The following ANKDD1B variants were observed in gnomAD, a reference collection of about 807,000 sequenced individuals.
The protein encoded by ANKDD1B is ankyrin repeat and death domain-containing protein 1B.
In ANKDD1B, 57 loss-of-function variants were observed where a neutral mutation model predicts 59.7. That is an observed-to-expected ratio of 0.95 (90% CI 0.77 to 1.19). ANKDD1B has a LOEUF of 1.19. Among genes scored for constraint, ANKDD1B ranks in the 50% most tolerant of loss-of-function variants. ANKDD1B has a pLI of 0.00. For missense variants in ANKDD1B, 602 were observed against 641.9 expected (o/e 0.94, Z 0.67); for synonymous variants, 216 against 239.5 (o/e 0.90, Z 0.91).
rs183456710 is a variant in ANKDD1B at position 75,653,156 on chromosome 5, T to C, written c.813T>C (p.Ser271=). The change falls in exon 8 of 14, where the codon AGT becomes AGC. Residue 271 remains serine (S), a synonymous_variant. Transcript: ENST00000601380. The part of the protein sequence containing the change: ...INEMNELNIS[S]LQIATRNGHA... ...GTCTCTTGCAGCTCAATATCAGTAGTTTGCAGATAGCAACCAGGAACGGCC... is the reference window on the plus strand; with the variant it reads ...GTCTCTTGCAGCTCAATATCAGTAGCTTGCAGATAGCAACCAGGAACGGCC... 1 of 1,535,868 alleles carries C rather than the reference T, an allele frequency of 6.5e-7. No homozygotes were observed.
intron 2 of ANKDD1B, among the ~76,000 whole-genome samples, chr5:75,617,385 C>T (rs577104807): frequency 4.6e-5 from 7 of 152,280 alleles, no homozygotes; most frequent in African/African-American, 9.6e-5. Context: ...AAATGTAGTG[C>T]GTCTCCCTCT....
chr5:75,626,749 G>C (rs1774005142), intron 5 of ANKDD1B, among the ~76,000 whole-genome samples: 1 of 151,660 alleles, frequency 6.6e-6, no homozygotes, highest in Non-Finnish European at 1.5e-5. Flanking sequence ...GTCAGGGACT[G>C]TCCTTCCCCC....
intron 2 of ANKDD1B, among the ~76,000 whole-genome samples, chr5:75,618,739 TTTTTGTTTTG>T (rs928633634): frequency 7.3e-4 from 111 of 152,076 alleles, no homozygotes; most frequent in African/African-American, 2.7e-3. Flanking sequence ...CTGATGGGTT[TTTTTGTTTTG>T]TTTTGTTTTG....
chr5:75,628,411 G>T (rs145362156), intron 5 of ANKDD1B, among the ~76,000 whole-genome samples: 3 of 152,150 alleles, frequency 2.0e-5, no homozygotes, highest in South Asian at 2.1e-4. Context: ...AAAAAATTGT[G>T]GGGGGAAATG....
At chr5:75,650,194 A>G (rs951100139) in intron 7 of ANKDD1B, among the ~76,000 whole-genome samples, 1 of 152,240 alleles carries the variant, frequency 6.6e-6, no homozygotes, top group African/African-American at 2.4e-5. Context: ...TTTAAATTGC[A>G]GATGGAATTA....
intron 12 of ANKDD1B, 124 bp from the exon 13 acceptor site, chr5:75,669,128 G>C: frequency 1.0e-6 from 1 of 990,984 alleles, no homozygotes; most frequent in East Asian, 3.3e-5. Flanking sequence ...AACTGGAAGG[G>C]CTTTTTTCGA....
chr5:75,632,513 G>C (rs1257368430), intron 5 of ANKDD1B, among the ~76,000 whole-genome samples: 1 of 152,164 alleles, frequency 6.6e-6, no homozygotes, highest in African/African-American at 2.4e-5. Flanking sequence ...CCTAGCATGT[G>C]ACCATCCCTG....
chr5:75,649,843 C>T (rs1006428733), intron 7 of ANKDD1B, among the ~76,000 whole-genome samples: 2 of 152,220 alleles, frequency 1.3e-5, no homozygotes, highest in African/African-American at 4.8e-5. Flanking sequence ...CACTGATCTG[C>T]TGATCTACAA....
At chr5:75,625,003 T>C (rs1344583237) in intron 3 of ANKDD1B, among the ~76,000 whole-genome samples, 1 of 152,236 alleles carries the variant, frequency 6.6e-6, no homozygotes, top group Non-Finnish European at 1.5e-5. Context: ...AGCATTCCTA[T>C]GTTGATAGGC....
chr5:75,626,193 C>G (rs1773992365), intron 5 of ANKDD1B, among the ~76,000 whole-genome samples: 1 of 152,186 alleles, frequency 6.6e-6, no homozygotes, highest in Non-Finnish European at 1.5e-5. Flanking sequence ...TCCTTCTTCC[C>G]ATTCTACTCC....
intron 12 of ANKDD1B, among the ~76,000 whole-genome samples, 162 bp from the exon 13 acceptor site, chr5:75,669,090 G>C (rs1345589264): frequency 6.6e-6 from 1 of 152,112 alleles, no homozygotes; most frequent in African/African-American, 2.4e-5. Flanking sequence ...AGCAAATGCT[G>C]GTCATCATAA....
At chr5:75,644,345 G>A (rs1354934871) in intron 7 of ANKDD1B, among the ~76,000 whole-genome samples, 1 of 96,736 alleles carries the variant, frequency 1.0e-5, no homozygotes, top group African/African-American at 8.3e-5. Context: ...GCTGTATTCA[G>A]GAAACCCATC....
Position 75,659,398 on chromosome 5 carries a change from T to C in ANKDD1B, c.1095+17T>C. The C allele has an allele frequency of 6.6e-7, 1 of 1,509,138 alleles. No individual in the cohort carries two copies. The highest frequency in any genetic ancestry group is 8.9e-7 in the Non-Finnish European group (1 of 1,122,186). The allele number at this position is 1,509,138 out of a possible 1,614,324, so 93.5% of individuals were successfully genotyped here. The stretch of plus-strand genomic sequence containing the variant: ...GTTGACAAGGTAAGTGCATGGACTT[T>C]ACTCCATTCAGCTGAGATGGTTGCT... On this transcript the variant is annotated intron_variant, in intron 10 of 13. Coordinates refer to ENST00000601380, the MANE Select transcript of ANKDD1B (RefSeq NM_001276713.2).
chr5:75,649,515 A>T (rs896767514), intron 7 of ANKDD1B, among the ~76,000 whole-genome samples: 1 of 152,156 alleles, frequency 6.6e-6, no homozygotes, highest in African/African-American at 2.4e-5. Flanking sequence ...TTTGGCACAT[A>T]AAAAGTCTGT....
At chr5:75,647,816 G>A (rs1351834848) in intron 7 of ANKDD1B, among the ~76,000 whole-genome samples, 71 of 126,288 alleles carry the variant, frequency 5.6e-4, no homozygotes, top group Admixed American at 2.0e-3. Context: ...TGTTTATTGC[G>A]GCATTATTCA....
intron 9 of ANKDD1B, among the ~76,000 whole-genome samples, chr5:75,657,835 G>A (rs1190529087): frequency 6.6e-6 from 1 of 151,460 alleles, no homozygotes; most frequent in Non-Finnish European, 1.5e-5. Context: ...GGTGGAGGTT[G>A]TAGTGAGCTG....
intron 6 of ANKDD1B, 22 bp from the exon 7 acceptor site, chr5:75,635,762 G>A (rs2112979543): frequency 8.8e-6 from 13 of 1,477,884 alleles, no homozygotes; most frequent in African/African-American, 2.8e-5. Flanking sequence ...GGGTTTCTAC[G>A]TCGAGTGTGT....
intron 11 of ANKDD1B, among the ~76,000 whole-genome samples, chr5:75,665,789 T>C (rs181987570): frequency 1.9e-4 from 28 of 147,720 alleles, no homozygotes; most frequent in Admixed American, 1.5e-3. Flanking sequence ...GCCCATCAAG[T>C]TCTTCTCATC....
intron 8 of ANKDD1B, among the ~76,000 whole-genome samples, chr5:75,655,584 G>T (rs978795319): frequency 1.3e-5 from 2 of 152,144 alleles, no homozygotes; most frequent in African/African-American, 4.8e-5. Flanking sequence ...CAGTTCTTCA[G>T]AATAGTCTTT....
Sources: gnomAD v4.1 joint callset for allele counts (sites outside exome capture counted in the v4.1 genomes callset) on GRCh38, gnomAD v4.1.1 for gene constraint, MANE v1.5 for transcripts, NCBI Gene and HGNC (gene_info 2026-07-23, HGNC 2026-07-21) for gene names.